GPR4: variants seen among roughly 807,000 people sequenced by gnomAD.
GPR4 encodes G-prodeshotein coupled receptor 4.
A neutral mutation model predicts 17.8 loss-of-function variants in GPR4; 11 were observed. The observed-to-expected ratio is 0.62, with a 90% confidence interval of 0.39 to 1.02. The LOEUF (loss-of-function observed/expected upper bound fraction) is 1.02. Ranked by LOEUF, GPR4 falls within the 50% of genes least tolerant of loss-of-function variation. The pLI is 0.00. For missense variants in GPR4, 364 were observed against 495.4 expected (o/e 0.73, Z 2.52); for synonymous variants, 219 against 222.8 (o/e 0.98, Z 0.15).
At chr19:45,599,477 G>A (rs951908966) in intron 1 of GPR4, among the ~76,000 whole-genome samples, 10 of 139,732 alleles carry the variant, frequency 7.2e-5, no homozygotes, top group East Asian at 2.3e-4. Flanking sequence ...AGCCAGCTCC[G>A]GTCTGCTCAT....
intron 1 of GPR4, among the ~76,000 whole-genome samples, chr19:45,594,421 CAAA>C (rs11284570): frequency 1.1e-4 from 8 of 75,756 alleles, no homozygotes; most frequent in Non-Finnish European, 7.8e-5. Flanking sequence ...GACTCCGTCT[CAAA>C]AAAAAAAAAA....
At position 45,591,853 on chromosome 19, in the gene GPR4, G is replaced by A. The variant is rs751982761; in HGVS notation, c.14C>T (p.Thr5Met). The change falls in exon 2 of 2, where the codon ACG (threonine) becomes ATG (methionine). Residue 5 changes from threonine to methionine, a missense_variant. Thr to Met is a moderately conservative substitution (Grantham distance 81, BLOSUM62 -1). Around this residue, in one of 3 missense-constraint regions of GPR4, gnomAD observed 271 missense variants for 373.1 expected, o/e 0.73. Transcript: ENST00000323040. The surrounding 1 kb of genome is among the most constrained non-coding windows in gnomAD (Gnocchi z 7.6). The part of the protein sequence containing the change: MGNH[T>M]WEGCHVDSRV... ...CGAGTCCACGTGGCAGCCCTCCCAC[G>A]TGTGGTTGCCCATGGTGGGCACTTC... 2 of 1,562,388 alleles carry A rather than the reference G, an allele frequency of 1.3e-6. No homozygotes were observed. Among genetic ancestry groups the A allele is most frequent in the Non-Finnish European group, 1.7e-6 (2 of 1,150,114 alleles).
chr19:45,601,164 C>T (rs766844), intron 1 of GPR4, among the ~76,000 whole-genome samples: 1 of 152,178 alleles, frequency 6.6e-6, no homozygotes, highest in Non-Finnish European at 1.5e-5. Flanking sequence ...CTCTCCACTT[C>T]TGCGCCAAAC....
At chr19:45,594,358 G>A (rs1970035432) in intron 1 of GPR4, among the ~76,000 whole-genome samples, 1 of 146,492 alleles carries the variant, frequency 6.8e-6, no homozygotes, top group Non-Finnish European at 1.5e-5. Context: ...GGAGGCGAAG[G>A]TTGCAGTGAG....
chr19:45,599,940 T>C (rs1970096449), intron 1 of GPR4, among the ~76,000 whole-genome samples: 1 of 152,206 alleles, frequency 6.6e-6, no homozygotes, highest in South Asian at 2.1e-4. Context: ...CGCTCAGTGA[T>C]TTTTATCTTT....
intron 1 of GPR4, among the ~76,000 whole-genome samples, chr19:45,601,214 A>G (rs1432629881): frequency 1.3e-5 from 2 of 152,094 alleles, no homozygotes; most frequent in Non-Finnish European, 2.9e-5. Flanking sequence ...ACGCACACAC[A>G]CACATCCCAC....
In GPR4 at chr19:45,590,840, C is replaced by A. The variant is rs766216041; in HGVS notation, c.1027G>T (p.Ala343Ser). Reference protein sequence around the residue: ...STAKAMTGSWAATPPSQGDQV... With the variant: ...STAKAMTGSWSATPPSQGDQV... ...TCCCCCTGGGAGGGCGGAGTGGCCG[C>A]CCAGCTGCCAGTCATGGCTTTGGCT... The change falls in exon 2 of 2, where the codon GCG becomes TCG. Residue 343 changes from alanine (A) to serine (S), a missense_variant. Around this residue, in one of 3 missense-constraint regions of GPR4, gnomAD observed 92 missense variants for 106.0 expected, o/e 0.87. Coordinates refer to ENST00000323040, the MANE Select transcript of GPR4 (RefSeq NM_005282.3). 5.0e-6 allele frequency: 8 copies of A among 1,611,316 alleles called. No individual in the cohort carries two copies. The highest frequency in any genetic ancestry group is 6.8e-6 in the Non-Finnish European group (8 of 1,178,280).
chr19:45,593,350 T>C (rs1970018125), intron 1 of GPR4, among the ~76,000 whole-genome samples: 1 of 151,094 alleles, frequency 6.6e-6, no homozygotes, highest in African/African-American at 2.4e-5. Context: ...AATACAAAAA[T>C]TAGCTGGATG....
At position 45,590,991 on chromosome 19, in the gene GPR4, G is replaced by T. The variant is rs767137911; in HGVS notation, c.876C>A (p.Gly292=). 1 of 1,613,844 alleles carries T rather than the reference G, an allele frequency of 6.2e-7. No individual in the cohort carries two copies. Among genetic ancestry groups the T allele is most frequent in the African/African-American group, 1.3e-5 (1 of 75,064 alleles). The change falls in exon 2 of 2, where the codon GGC becomes GGA. Residue 292 remains glycine, a synonymous_variant. Transcript: ENST00000323040. ...GGGCCTTGGCCACATCGCTGCGGGC[G>T]CCCTCGTTGACCAGGCAGTAGAGGA... ...DPILYCLVNE[G]ARSDVAKALH... is the part of the protein sequence containing the mutation.
At chr19:45,594,063 A>AAAAT (rs1376607021) in intron 1 of GPR4, among the ~76,000 whole-genome samples, 52 of 36,234 alleles carry the variant, frequency 1.4e-3, no homozygotes, top group Non-Finnish European at 2.0e-3. Context: ...AAAAAAAAAA[A>AAAAT]ATATATATAT....
chr19:45,599,140 C>T (rs948950543), intron 1 of GPR4, among the ~76,000 whole-genome samples: 2 of 152,068 alleles, frequency 1.3e-5, no homozygotes, highest in African/African-American at 4.8e-5. Flanking sequence ...TCCAGAGAGT[C>T]GGGGGGAAGA....
Position 45,592,105 on chromosome 19 carries a change from A to T in GPR4, c.-239T>A. 2.1e-6 allele frequency: 1 copy of T among 476,350 alleles called. No homozygotes were observed. The highest frequency in any genetic ancestry group is 3.8e-6 in the Non-Finnish European group (1 of 260,422). 29.5% of individuals were successfully genotyped at this position (476,350 alleles called of 1,614,324 possible). A position where few individuals can be genotyped will look rare whatever the true frequency, so the allele number is the denominator to read the frequency against. ...TTATGACAGGAGGGAAGTCTGGAGG[A>T]TGGTGAGATTAATAAAGAGGTTTTT... is the stretch of plus-strand genomic sequence containing the variant. On this transcript the variant is annotated 5_prime_UTR_variant, in exon 2 of 2. Coordinates refer to ENST00000323040, the MANE Select transcript of GPR4 (RefSeq NM_005282.3).
chr19:45,590,858 C>T lies in GPR4; in HGVS notation c.1009G>A (p.Ala337Thr). 1 of 1,613,744 alleles carries T rather than the reference C, an allele frequency of 6.2e-7. No individual in the cohort carries two copies. The highest frequency in any genetic ancestry group is 8.5e-7 in the Non-Finnish European group (1 of 1,179,776). ...GTGGCCGCCCAGCTGCCAGTCATGGCTTTGGCTGTGCTGTTCCTCTTGGAG... is the reference window on the plus strand; with the variant it reads ...GTGGCCGCCCAGCTGCCAGTCATGGTTTTGGCTGTGCTGTTCCTCTTGGAG... ...LTSKRNSTAK[A>T]MTGSWAATPP... The change falls in exon 2 of 2, where the codon GCC becomes ACC. Residue 337 changes from alanine to threonine, a missense_variant. Transcript: ENST00000323040.
Position 45,591,665 on chromosome 19 carries a change from A to C in GPR4, c.202T>G (p.Cys68Gly), listed in dbSNP as rs1369298586. Reference protein sequence around the residue: ...NLSIADLLYICTLPLWVDYFL... With the variant: ...NLSIADLLYIGTLPLWVDYFL... The stretch of plus-strand genomic sequence containing the variant: ...TAGTCCACCCACAGCGGCAGCGTGC[A>C]GATGTACAGCAGGTCGGCGATGCTG... The change falls in exon 2 of 2, where the codon TGC (cysteine) becomes GGC (glycine). Residue 68 changes from cysteine to glycine, a missense_variant. Cys to Gly is a radical substitution (Grantham distance 159). Transcript: ENST00000323040. The surrounding 1 kb of genome is among the most constrained non-coding windows in gnomAD (Gnocchi z 7.6). 1.2e-6 allele frequency: 2 copies of C among 1,614,030 alleles called. No individual in the cohort carries two copies. Among genetic ancestry groups the C allele is most frequent in the Admixed American group, 3.3e-5 (2 of 59,998 alleles).
chr19:45,599,477 G>C (rs951908966), intron 1 of GPR4, among the ~76,000 whole-genome samples: 2 of 139,732 alleles, frequency 1.4e-5, no homozygotes, highest in African/African-American at 5.3e-5. Context: ...AGCCAGCTCC[G>C]GTCTGCTCAT....
At chr19:45,595,275 CTAAATAAA>C (rs72050823) in intron 1 of GPR4, among the ~76,000 whole-genome samples, 4,339 of 138,302 alleles carry the variant, frequency 0.031, 185 homozygotes, top group African/African-American at 0.096. Flanking sequence ...AACTCCATCT[CTAAATAAA>C]TAAATAAATA....
chr19:45,592,155 T>C lies in GPR4; in HGVS notation c.-289A>G, dbSNP rs1278241173. On this transcript the variant is annotated 5_prime_UTR_variant, in exon 2 of 2. Coordinates refer to ENST00000323040, the MANE Select transcript of GPR4 (RefSeq NM_005282.3). ...TCAAGGAGGTTATGTATGGAGTCAGTGTGTCAACGAGGGAGTATGGGGGTG... is the reference window on the plus strand; with the variant it reads ...TCAAGGAGGTTATGTATGGAGTCAGCGTGTCAACGAGGGAGTATGGGGGTG... 2.7e-6 allele frequency: 1 copy of C among 363,836 alleles called. No homozygotes were observed. The highest frequency in any genetic ancestry group is 5.2e-6 in the Non-Finnish European group (1 of 190,670). 22.5% of individuals were successfully genotyped at this position (363,836 alleles called of 1,614,324 possible).
intron 1 of GPR4, among the ~76,000 whole-genome samples, chr19:45,595,785 C>T (rs1300043525): frequency 1.3e-5 from 2 of 150,960 alleles, no homozygotes; most frequent in African/African-American, 4.9e-5. Flanking sequence ...CAATCTAAAA[C>T]AGTGAAAAGG....
At chr19:45,597,189 T>C (rs10415970) in intron 1 of GPR4, among the ~76,000 whole-genome samples, 65,937 of 151,900 alleles carry the variant, frequency 0.43, 15,718 homozygotes, top group African/African-American at 0.63. Flanking sequence ...CTGCCTTGGC[T>C]TCCTGAGTAG....
Sources: allele counts gnomAD v4.1 joint callset (sites outside exome capture counted in the v4.1 genomes callset), GRCh38; gene constraint gnomAD v4.1.1; regional missense constraint gnomAD v4.1.1; non-coding constraint Gnocchi (gnomAD v3.1); transcripts MANE v1.5; gene names NCBI Gene and HGNC (gene_info 2026-07-23, HGNC 2026-07-21).